PIP4K2A: variants seen among roughly 807,000 people sequenced by gnomAD.
The protein encoded by PIP4K2A is phosphatidylinositol 5-phosphate 4-kinase type-2 alpha.
Under a neutral mutation model 42.9 loss-of-function variants are expected in PIP4K2A, and 14 were observed. The observed-to-expected ratio is 0.33, with a 90% CI of 0.22 to 0.51. The LOEUF (loss-of-function observed/expected upper bound fraction) is 0.51. PIP4K2A is among the 20% of genes least tolerant of loss of function. PIP4K2A has a pLI of 0.97. For missense variants in PIP4K2A, 434 were observed against 519.8 expected, an observed-to-expected ratio of 0.83 and a Z score of 1.61; for synonymous variants, 192 against 192.2, an observed-to-expected ratio of 1.00 and a Z score of 0.01.
rs577643849 is a variant in PIP4K2A, at chr10:22,580,676, C to T, written c.493-7219G>A. Among the ~76,000 whole-genome samples, 10 of 152,336 alleles carry T rather than the reference C, an allele frequency of 6.6e-5. No individual in the cohort carries two copies. In the South Asian group the frequency reaches 2.1e-3, roughly 32 times the overall value. On this transcript the variant is annotated intron_variant, in intron 4 of 9. Coordinates refer to ENST00000376573, the MANE Select transcript of PIP4K2A (RefSeq NM_005028.5). ...AAGACAATCTGAGGAACCTTTGCCT[C>T]CTCTCTTCCACATGTTTAACTTCCA...
chr10:22,647,391 A>T (rs1017624112), intron 1 of PIP4K2A, among the ~76,000 whole-genome samples: 3 of 152,118 alleles, frequency 2.0e-5, no homozygotes, highest in Non-Finnish European at 4.4e-5. Flanking sequence ...AAATATGTTA[A>T]CTATTTTGTG....
Position 22,602,390 on chromosome 10 carries a change from T to C in PIP4K2A, c.339+5537A>G, listed in dbSNP as rs1837804212. On this transcript the variant is annotated intron_variant, in intron 3 of 9. Transcript: ENST00000376573. ...GCCTGGGCAACAGAGTGAAACTCTGTCTATAAAAAAAAAAAAAGAAAAGAA... is the reference window on the plus strand; with the variant it reads ...GCCTGGGCAACAGAGTGAAACTCTGCCTATAAAAAAAAAAAAAGAAAAGAA... Among the ~76,000 whole-genome samples the C allele has an allele frequency of 2.6e-5, 3 of 116,578 alleles. No homozygotes were observed. In the South Asian group the frequency reaches 7.6e-4, roughly 30 times the overall value. 76.5% of individuals were successfully genotyped at this position (116,578 alleles called of 152,430 possible). A position where few individuals can be genotyped will look rare whatever the true frequency, so the allele number is the denominator to read the frequency against.
chr10:22,569,341 A>G (rs920328242), intron 5 of PIP4K2A, among the ~76,000 whole-genome samples: 1 of 152,254 alleles, frequency 6.6e-6, no homozygotes, highest in African/African-American at 2.4e-5. Context: ...AAGCTGACCC[A>G]TCAGATGGAG....
intron 1 of PIP4K2A, among the ~76,000 whole-genome samples, chr10:22,646,819 T>C (rs1239397462): frequency 6.6e-6 from 1 of 152,178 alleles, no homozygotes; most frequent in East Asian, 1.9e-4. Context: ...AGATCCTTCT[T>C]AAGATAGGTT....
chr10:22,693,639 C>T (rs1278233500), intron 1 of PIP4K2A, among the ~76,000 whole-genome samples: 3 of 152,148 alleles, frequency 2.0e-5, no homozygotes, highest in Admixed American at 6.5e-5. Flanking sequence ...ATCAACAGAT[C>T]TCCACTAGTT....
At chr10:22,642,267 A>G (rs1028959078) in intron 1 of PIP4K2A, among the ~76,000 whole-genome samples, 2 of 151,246 alleles carry the variant, frequency 1.3e-5, no homozygotes, top group Non-Finnish European at 2.9e-5. Flanking sequence ...GTCACTTACA[A>G]CCTCAGTCCT....
At chr10:22,548,067 GAAAGCATGGAACTGATGAAAACAGA>G (rs1341807832) in intron 7 of PIP4K2A, among the ~76,000 whole-genome samples, 1 of 152,172 alleles carries the variant, frequency 6.6e-6, no homozygotes, top group Non-Finnish European at 1.5e-5. Flanking sequence ...AGCTAAATTA[GAAAGCATGGAACTGATGAAAACAGA>G]AAACTCGATT....
chr10:22,579,361 G>T (rs1837203649), intron 4 of PIP4K2A, among the ~76,000 whole-genome samples: 1 of 152,142 alleles, frequency 6.6e-6, no homozygotes, highest in South Asian at 2.1e-4. Context: ...TAAGAGTAAA[G>T]AATCACATCC....
intron 1 of PIP4K2A, among the ~76,000 whole-genome samples, chr10:22,709,964 T>C (rs1833885660): frequency 6.6e-6 from 1 of 152,004 alleles, no homozygotes; most frequent in Admixed American, 6.6e-5. Flanking sequence ...AATTGCCTTA[T>C]TATGTCCTAT....
intron 3 of PIP4K2A, among the ~76,000 whole-genome samples, chr10:22,593,651 G>A (rs572238867): frequency 2.6e-5 from 4 of 152,238 alleles, no homozygotes; most frequent in Non-Finnish European, 4.4e-5. Context: ...CTTTGTTAGT[G>A]GTCTTACTTT....
At chr10:22,620,587 A>T (rs1326278740) in intron 1 of PIP4K2A, among the ~76,000 whole-genome samples, 2 of 152,392 alleles carry the variant, frequency 1.3e-5, no homozygotes, top group Admixed American at 6.5e-5. Context: ...ATTAATCACC[A>T]ATCTTTTCAG....
At chr10:22,561,233 A>T (rs1836685428) in intron 6 of PIP4K2A, among the ~76,000 whole-genome samples, 1 of 152,094 alleles carries the variant, frequency 6.6e-6, no homozygotes, top group South Asian at 2.1e-4. Context: ...TTCTGCTCTT[A>T]AAAAAAACCT....
At chr10:22,562,775 A>T (rs1334092651) in intron 6 of PIP4K2A, among the ~76,000 whole-genome samples, 1 of 152,026 alleles carries the variant, frequency 6.6e-6, no homozygotes, top group Non-Finnish European at 1.5e-5. Flanking sequence ...GTCTCTGCTG[A>T]CCGTCCTTCC....
At chr10:22,615,926 CGACTTCTTGTTCCTGTTTATGCCG>C (rs555041904) in intron 1 of PIP4K2A, among the ~76,000 whole-genome samples, 159 of 152,078 alleles carry the variant, frequency 1.0e-3, no homozygotes, top group East Asian at 3.1e-3. Context: ...ATCCTGGGAG[CGACTTCTTGTTCCTGTTTATGCCG>C]GACTTCTTGT....
At chr10:22,672,657 A>T (rs1839478321) in intron 1 of PIP4K2A, among the ~76,000 whole-genome samples, 3 of 152,354 alleles carry the variant, frequency 2.0e-5, no homozygotes, top group South Asian at 2.1e-4. Context: ...GCAGAGATCA[A>T]TTCCAGAAGG....
At chr10:22,674,916 T>C (rs1052661639) in intron 1 of PIP4K2A, among the ~76,000 whole-genome samples, 1 of 151,862 alleles carries the variant, frequency 6.6e-6, no homozygotes, top group African/African-American at 2.4e-5. Context: ...TGAGCTATCA[T>C]CATGCCACTG....
At chr10:22,612,407 G>A (rs370564218) in intron 1 of PIP4K2A, among the ~76,000 whole-genome samples, 2 of 152,340 alleles carry the variant, frequency 1.3e-5, no homozygotes, top group Admixed American at 6.5e-5. Context: ...GTGGAGAAAG[G>A]AGAGGGCAGG....
chr10:22,604,009 GCACACACACA>G (rs10571071), intron 3 of PIP4K2A, among the ~76,000 whole-genome samples: 2 of 149,562 alleles, frequency 1.3e-5, no homozygotes, highest in African/African-American at 2.4e-5. Flanking sequence ...ACGCGCGCAC[GCACACACACA>G]CACACACACA....
chr10:22,667,529 T>C (rs1839371878), intron 1 of PIP4K2A, among the ~76,000 whole-genome samples: 2 of 152,210 alleles, frequency 1.3e-5, no homozygotes, highest in African/African-American at 4.8e-5. Flanking sequence ...GAAGATCACT[T>C]ATAAAATCGA....
Sources: gnomAD v4.1 joint callset for allele counts (sites outside exome capture counted in the v4.1 genomes callset) on GRCh38, gnomAD v4.1.1 for gene constraint, MANE v1.5 for transcripts, NCBI Gene and HGNC (gene_info 2026-07-23, HGNC 2026-07-21) for gene names.